The following CADPS variants were observed in gnomAD, a reference collection of about 807,000 sequenced individuals.
CADPS encodes calcium-dependent secretion activator 1.
CADPS carries 57 observed loss-of-function variants against 167.3 expected under a neutral mutation model. The ratio of observed to expected loss-of-function variants is 0.34; its 90% CI spans 0.28 to 0.42. The LOEUF is 0.42. Ranked by LOEUF, CADPS falls within the 20% of genes least tolerant of loss-of-function variation. The pLI is 1.00. For synonymous variants in CADPS, 676 were observed against 635.3 expected (o/e 1.06, Z -0.96); for missense variants, 1,414 against 1,738.1 (o/e 0.81, Z 3.32).
intron 1 of CADPS, among the ~76,000 whole-genome samples, chr3:62,858,457 C>T (rs1386220485): frequency 6.6e-6 from 1 of 152,098 alleles, no homozygotes; most frequent in Non-Finnish European, 1.5e-5. Context: ...TGTGAGCCAG[C>T]TGTATTCCAG....
chr3:62,408,250 G>C (rs1406251944), intron 28 of CADPS, among the ~76,000 whole-genome samples: 1 of 152,194 alleles, frequency 6.6e-6, no homozygotes, highest in Non-Finnish European at 1.5e-5. Context: ...GTAGGGCAGG[G>C]TTGTACAAGT....
At chr3:62,747,627 C>T (rs567606602) in intron 3 of CADPS, among the ~76,000 whole-genome samples, 1 of 152,160 alleles carries the variant, frequency 6.6e-6, no homozygotes, top group Non-Finnish European at 1.5e-5. Flanking sequence ...ATTAGCAGTT[C>T]AATAATGATA....
At chr3:62,870,031 A>C (rs1281726655) in intron 1 of CADPS, among the ~76,000 whole-genome samples, 1 of 152,150 alleles carries the variant, frequency 6.6e-6, no homozygotes. Flanking sequence ...TCATAAGCCT[A>C]TGCTAGGGGT....
intron 6 of CADPS, among the ~76,000 whole-genome samples, chr3:62,625,023 G>C (rs1040284597): frequency 1.7e-4 from 26 of 151,096 alleles, no homozygotes; most frequent in African/African-American, 4.9e-4. Context: ...GGATCCATGG[G>C]AGACAGAGTG....
At chr3:62,572,291 A>G (rs1410399744) in intron 8 of CADPS, among the ~76,000 whole-genome samples, 5 of 152,070 alleles carry the variant, frequency 3.3e-5, no homozygotes, top group Non-Finnish European at 4.4e-5. Context: ...CGCCAAGTGC[A>G]GTTGAGTTTT....
intron 3 of CADPS, among the ~76,000 whole-genome samples, chr3:62,691,052 C>T (rs1390185198): frequency 6.6e-6 from 1 of 151,940 alleles, no homozygotes; most frequent in East Asian, 1.9e-4. Context: ...TTACATGTTG[C>T]TGAGTGAGGA....
intron 6 of CADPS, among the ~76,000 whole-genome samples, chr3:62,606,712 G>A (rs1486723445): frequency 1.3e-5 from 2 of 152,222 alleles, no homozygotes; most frequent in East Asian, 3.8e-4. Flanking sequence ...ACGGGGCATT[G>A]GCAAATGTGA....
intron 3 of CADPS, among the ~76,000 whole-genome samples, chr3:62,668,482 G>A (rs1193791480): frequency 3.3e-5 from 5 of 152,078 alleles, no homozygotes; most frequent in Non-Finnish European, 5.9e-5. Context: ...CCTCATGCCT[G>A]GAGCACTCTT....
chr3:62,550,709 C>CA (rs2077183533), intron 10 of CADPS: 1 of 434,296 alleles, frequency 2.3e-6, no homozygotes. Flanking sequence ...TTCTGCCTTA[C>CA]AACCCCTCCA....
intron 11 of CADPS, among the ~76,000 whole-genome samples, chr3:62,547,259 T>C (rs1230664229): frequency 6.6e-6 from 1 of 152,212 alleles, no homozygotes; most frequent in Admixed American, 6.5e-5. Context: ...TGCCATTTAT[T>C]ACATGGCCAC....
At chr3:62,475,584 G>GAAAAAAAAAAAAAAAAAAAA (rs34263556) in intron 23 of CADPS, among the ~76,000 whole-genome samples, 1 of 55,950 alleles carries the variant, frequency 1.8e-5, no homozygotes, top group African/African-American at 7.7e-5. Context: ...CAGTTCTTAA[G>GAAAAAAAAAAAAAAAAAAAA]AAAAAAAAAA....
chr3:62,775,021 T>C (rs867362794), intron 1 of CADPS, among the ~76,000 whole-genome samples: 1 of 149,786 alleles, frequency 6.7e-6, no homozygotes, highest in Non-Finnish European at 1.5e-5. Context: ...CCCATAAGTG[T>C]TTTTTTTTTA....
At chr3:62,597,397 T>C (rs2059082414) in intron 6 of CADPS, among the ~76,000 whole-genome samples, 1 of 152,102 alleles carries the variant, frequency 6.6e-6, no homozygotes, top group African/African-American at 2.4e-5. Flanking sequence ...TGGGCATTCA[T>C]TATACTTGGT....
chr3:62,719,073 T>C (rs2075245888), intron 3 of CADPS, among the ~76,000 whole-genome samples: 1 of 152,226 alleles, frequency 6.6e-6, no homozygotes, highest in African/African-American at 2.4e-5. Context: ...TGGGTTTATA[T>C]ATCAATCCCT....
chr3:62,646,161 C>CTT lies in CADPS; in HGVS notation c.1204-320_1204-319dup, dbSNP rs35748758. On this transcript the variant is annotated intron_variant, in intron 5 of 29. Transcript: ENST00000383710. The stretch of plus-strand genomic sequence containing the variant: ...TTTCATTTCTACCAAGGAATTGGCT[C>CTT]TTTTTTTTTTTTTTTTTTGAGATGG... Among the ~76,000 whole-genome samples the CTT allele has an allele frequency of 1.1e-3, 148 of 129,066 alleles. 2 individuals are homozygous for CTT. Among genetic ancestry groups the CTT allele is most frequent in the Middle Eastern group, 8.1e-3 (2 of 248 alleles). 84.7% of individuals were successfully genotyped at this position (129,066 alleles called of 152,430 possible). A position where few individuals can be genotyped will look rare whatever the true frequency, so the allele number is the denominator to read the frequency against.
chr3:62,850,235 C>A (rs2078283174), intron 1 of CADPS, among the ~76,000 whole-genome samples: 1 of 135,694 alleles, frequency 7.4e-6, no homozygotes, highest in Admixed American at 7.5e-5. Flanking sequence ...CTCCTGGATT[C>A]ATTCATTTTT....
chr3:62,422,370 C>T (rs185596306), intron 28 of CADPS, among the ~76,000 whole-genome samples: 1 of 152,186 alleles, frequency 6.6e-6, no homozygotes, highest in Non-Finnish European at 1.5e-5. Flanking sequence ...TTTCCAATGG[C>T]CAAGGGATTT....
intron 3 of CADPS, among the ~76,000 whole-genome samples, chr3:62,750,700 T>C (rs1464339554): frequency 6.6e-6 from 1 of 152,200 alleles, no homozygotes; most frequent in African/African-American, 2.4e-5. Flanking sequence ...TCCAGTACCT[T>C]TTTCCATCCT....
chr3:62,527,478 A>G (rs987194618), intron 13 of CADPS, among the ~76,000 whole-genome samples: 2 of 151,964 alleles, frequency 1.3e-5, no homozygotes, highest in African/African-American at 2.4e-5. Flanking sequence ...AGTGGGGATT[A>G]CCCCCAGTAA....
Sources: gnomAD v4.1 joint callset for allele counts (sites outside exome capture counted in the v4.1 genomes callset) on GRCh38, gnomAD v4.1.1 for gene constraint, MANE v1.5 for transcripts, NCBI Gene and HGNC (gene_info 2026-07-23, HGNC 2026-07-21) for gene names.